Variants in CLCC1 observed in about 807,000 individuals in gnomAD.
CLCC1 encodes chloride channel CLIC-like protein 1.
CLCC1 carries 39 observed loss-of-function variants against 63.3 expected under a neutral mutation model. That is an observed-to-expected ratio of 0.62 (90% CI 0.48 to 0.81). The LOEUF (loss-of-function observed/expected upper bound fraction) is 0.81, where lower values mean the gene tolerates loss of function less well. Among genes scored for constraint, CLCC1 ranks in the 30% least tolerant of loss-of-function variants. CLCC1 has a pLI of 0.00. For synonymous variants in CLCC1, 217 were observed against 239.8 expected (o/e 0.90, Z 0.88); for missense variants, 549 against 669.4 (o/e 0.82, Z 1.98).
rs539171430 is a variant in CLCC1, at chr1:108,939,530, C to T, written c.1041+106G>A. ...TTCACTGTGTTAGCCAGGATGGTCTCGATCTCCTGACCTCGTGATCCGCCC... is the reference window on the plus strand; with the variant it reads ...TTCACTGTGTTAGCCAGGATGGTCTTGATCTCCTGACCTCGTGATCCGCCC... On this transcript the variant is annotated intron_variant, in intron 10 of 12. Transcript: ENST00000369969. 1,604 of 919,726 alleles carry T rather than the reference C, an allele frequency of 1.7e-3. 5 individuals carry two copies. The highest frequency in any genetic ancestry group is 2.3e-3 in the Non-Finnish European group (1,488 of 638,312). 57.0% of individuals were successfully genotyped at this position (919,726 alleles called of 1,614,324 possible).
In CLCC1 at chr1:108,937,336, C is replaced by G. The variant is rs139828068; in HGVS notation, c.1124G>C (p.Arg375Pro). The G allele has an allele frequency of 2.5e-6, 4 of 1,614,162 alleles. No homozygotes were observed. Among genetic ancestry groups the G allele is most frequent in the Non-Finnish European group, 3.4e-6 (4 of 1,180,024 alleles). The change falls in exon 11 of 13, where the codon CGG becomes CCG. Residue 375 changes from arginine to proline, a missense_variant. By Grantham distance (103) the Arg-to-Pro change is moderately radical. Transcript: ENST00000369969. The part of the protein sequence containing the change: ...GPESEPPQAL[R>P]PRDRRRQEEI... Reference sequence around the variant, plus strand: ...CTCCTGCCGTCTTCTATCCCGTGGCCGAAGTGCCTGGGGAGGTTCGCTCTC... The same window carrying G: ...CTCCTGCCGTCTTCTATCCCGTGGCGGAAGTGCCTGGGGAGGTTCGCTCTC...
Position 108,943,947 on chromosome 1 carries a change from G to A in CLCC1, c.450C>T (p.Ala150=). The stretch of plus-strand genomic sequence containing the variant: ...AAATATCACTTAGTGCATCATCCAA[G>A]GCACCTGGTTTCCAGTCTTCTCCAT... The part of the protein sequence containing the change: ...FLNGEDWKPG[A]LDDALSDILI... Residue 150 remains alanine (A), a synonymous_variant, in exon 6 of 13, where the codon GCC becomes GCT. Coordinates refer to ENST00000369969, the MANE Select transcript of CLCC1 (RefSeq NM_001377458.1). 6.2e-7 allele frequency: 1 copy of A among 1,612,698 alleles called. No homozygotes were observed. Among genetic ancestry groups the A allele is most frequent in the Non-Finnish European group, 8.5e-7 (1 of 1,178,926 alleles).
intron 2 of CLCC1, among the ~76,000 whole-genome samples, chr1:108,961,345 C>T (rs1656614173): frequency 6.6e-6 from 1 of 150,922 alleles, no homozygotes; most frequent in African/African-American, 2.4e-5. Context: ...ATCTCCACTT[C>T]TAACAAGCTC....
At chr1:108,932,558 G>A (rs1652182479) in intron 12 of CLCC1, 57 bp from the exon 13 acceptor site, 1 of 152,148 alleles carries the variant, frequency 6.6e-6, no homozygotes, top group Admixed American at 6.5e-5. Flanking sequence ...AAAAGAATTT[G>A]GTTTTGGATT....
chr1:108,963,218 C>A (rs1247515313), intron 1 of CLCC1, 143 bp downstream of exon 1: 1 of 468,318 alleles, frequency 2.1e-6, no homozygotes, highest in Non-Finnish European at 3.8e-6. Flanking sequence ...GCAGCGGACG[C>A]ACGCAGCTAG....
chr1:108,952,446 T>C (rs2492291), intron 2 of CLCC1, among the ~76,000 whole-genome samples: 89,680 of 143,134 alleles, frequency 0.63, 25,004 homozygotes, highest in African/African-American at 0.69. Flanking sequence ...ACTGGGATTA[T>C]AGGCATGAGC....
At chr1:108,956,882 A>AGGTGGGGAGGCGGGGAGGCG (rs756017179) in intron 2 of CLCC1, among the ~76,000 whole-genome samples, 1 of 104,420 alleles carries the variant, frequency 9.6e-6, no homozygotes, top group African/African-American at 4.1e-5. Flanking sequence ...GCTGGGAGGC[A>AGGTGGGGAGGCGGGGAGGCG]GGGAGGCGGG....
At chr1:108,955,395 C>T (rs561122792) in intron 2 of CLCC1, among the ~76,000 whole-genome samples, 4 of 151,594 alleles carry the variant, frequency 2.6e-5, no homozygotes, top group South Asian at 4.1e-4. Context: ...ACTCTCCCCA[C>T]GGAAAGATGG....
chr1:108,936,079 TAAGTTG>T (rs1247446658), intron 11 of CLCC1, among the ~76,000 whole-genome samples: 4 of 148,082 alleles, frequency 2.7e-5, no homozygotes, highest in Non-Finnish European at 5.9e-5. Flanking sequence ...AGGACCATCT[TAAGTTG>T]TTTTTTTTTT....
intron 10 of CLCC1, among the ~76,000 whole-genome samples, chr1:108,939,085 T>C (rs987486409): frequency 6.6e-6 from 1 of 150,766 alleles, no homozygotes; most frequent in African/African-American, 2.4e-5. Context: ...TTTCTGTAAA[T>C]CTTGCTAAAT....
chr1:108,951,372 AC>A (rs1655160980), intron 2 of CLCC1, among the ~76,000 whole-genome samples: 1 of 152,142 alleles, frequency 6.6e-6, no homozygotes, highest in African/African-American at 2.4e-5. Context: ...ACAGAGTGGG[AC>A]CCCCATCACA....
intron 2 of CLCC1, 55 bp from the exon 3 acceptor site, chr1:108,950,503 G>T: frequency 9.6e-7 from 1 of 1,046,450 alleles, no homozygotes; most frequent in Admixed American, 3.8e-5. Flanking sequence ...TAAATAAATT[G>T]GGTTTTGGGT....
intron 12 of CLCC1, chr1:108,934,370 C>T: frequency 3.0e-6 from 1 of 330,326 alleles, no homozygotes; most frequent in Non-Finnish European, 5.5e-6. Flanking sequence ...CCAATTCAAA[C>T]TGGCCTCCTT....
rs138645244 is a variant in CLCC1 at position 108,939,003 on chromosome 1, G to A, written c.1041+633C>T. Reference sequence around the variant, plus strand: ...AAAAAATCTGTATCACTTAAAAATCGCCTTCTCATTAAGCGTGACTTAGCC... The same window carrying A: ...AAAAAATCTGTATCACTTAAAAATCACCTTCTCATTAAGCGTGACTTAGCC... On this transcript the variant is annotated intron_variant, in intron 10 of 12. Coordinates refer to ENST00000369969, the MANE Select transcript of CLCC1 (RefSeq NM_001377458.1). Among the ~76,000 whole-genome samples, 323 of 151,672 alleles carry A rather than the reference G, an allele frequency of 2.1e-3. 1 individual carries two copies. The South Asian group carries it at 0.021, about 10-fold the overall frequency.
At chr1:108,935,417 T>C (rs1199219978) in intron 11 of CLCC1, among the ~76,000 whole-genome samples, 3 of 151,962 alleles carry the variant, frequency 2.0e-5, no homozygotes, top group Non-Finnish European at 4.4e-5. Flanking sequence ...AAGAGATGAG[T>C]GCTGAATGTG....
intron 11 of CLCC1, among the ~76,000 whole-genome samples, chr1:108,936,472 A>G (rs1412065280): frequency 1.3e-5 from 2 of 152,214 alleles, no homozygotes; most frequent in African/African-American, 2.4e-5. Flanking sequence ...CCCAGATTCT[A>G]TTATGCTCAT....
intron 7 of CLCC1, 38 bp from the exon 8 acceptor site, chr1:108,941,536 C>G (rs767672261): frequency 1.3e-6 from 2 of 1,562,874 alleles, no homozygotes; most frequent in African/African-American, 2.7e-5. Flanking sequence ...GAGGCCGTTA[C>G]CTATGAAGGT....
chr1:108,945,624 A>G (rs1654439645), intron 5 of CLCC1, among the ~76,000 whole-genome samples: 1 of 152,226 alleles, frequency 6.6e-6, no homozygotes. Context: ...TCAACTGTGC[A>G]TCTTCATTTT....
chr1:108,954,641 G>C (rs183471359), intron 2 of CLCC1, among the ~76,000 whole-genome samples: 2 of 151,390 alleles, frequency 1.3e-5, no homozygotes, highest in Admixed American at 1.3e-4. Context: ...AAACCAGAAA[G>C]AACACATGTG....
Sources: gnomAD v4.1 joint callset for allele counts (sites outside exome capture counted in the v4.1 genomes callset) on GRCh38, gnomAD v4.1.1 for gene constraint, MANE v1.5 for transcripts, NCBI Gene and HGNC (gene_info 2026-07-23, HGNC 2026-07-21) for gene names.